Variants in TNS4 observed in about 807,000 individuals in gnomAD.
TNS4 encodes the protein tensin-4.
Under a neutral mutation model 70.4 loss-of-function variants are expected in TNS4, and 46 were observed. The observed-to-expected ratio is 0.65, with a 90% CI of 0.52 to 0.84. TNS4 has a LOEUF of 0.84. Among genes scored for constraint, TNS4 ranks in the 40% least tolerant of loss-of-function variants. TNS4 has a pLI of 0.00. For synonymous variants in TNS4, 390 were observed against 366.6 expected (o/e 1.06, Z -0.73); for missense variants, 863 against 907.0 (o/e 0.95, Z 0.62).
Position 40,488,555 on chromosome 17 carries a change from A to C in TNS4, c.854T>G (p.Met285Arg), listed in dbSNP as rs780395964. The C allele has an allele frequency of 1.3e-6, 2 of 1,509,054 alleles. No homozygotes were observed. The highest frequency in any genetic ancestry group is 1.8e-6 in the Non-Finnish European group (2 of 1,128,650). 93.5% of individuals were successfully genotyped at this position (1,509,054 alleles called of 1,614,324 possible). The change falls in exon 3 of 13, where the codon ATG (methionine) becomes AGG (arginine). Residue 285 changes from methionine (M) to arginine (R), a missense_variant. Physicochemically the swap from Met to Arg is moderately conservative, Grantham distance 91 (BLOSUM62 -1). Coordinates refer to ENST00000254051, the MANE Select transcript of TNS4 (RefSeq NM_032865.6). Reference protein sequence around the residue: ...SASPVSDVSYMFGSSQSLLHS... With the variant: ...SASPVSDVSYRFGSSQSLLHS... ...AAGCTACAGAACCTACCTTCCAAAC[A>C]TATAGCTGACATCAGACACTGGGCT...
chr17:40,478,475 G>A (rs2035878914), intron 11 of TNS4, 105 bp downstream of exon 11: 1 of 1,557,146 alleles, frequency 6.4e-7, no homozygotes, highest in Admixed American at 1.7e-5. Context: ...ACCCCTTGAG[G>A]TTCACAGGCT....
intron 2 of TNS4, among the ~76,000 whole-genome samples, chr17:40,494,707 G>A (rs1425319077): frequency 1.4e-5 from 2 of 142,746 alleles, no homozygotes; most frequent in African/African-American, 5.2e-5. Context: ...ACTCCAGCCT[G>A]GGTGACAGTG....
In TNS4 at chr17:40,478,605, A is replaced by T; in HGVS notation, c.1954T>A (p.Cys652Ser). 1 of 1,614,166 alleles carries T rather than the reference A, an allele frequency of 6.2e-7. No individual in the cohort carries two copies. ...RHYPLTTLRFCGMDPEQRKWQ... is the reference protein window; with the variant it reads ...RHYPLTTLRFSGMDPEQRKWQ... ...TTCCGTTGCTCAGGGTCCATACCACAGAAGCGGAGGGTGGTGAGTGGGTAA... is the reference window on the plus strand; with the variant it reads ...TTCCGTTGCTCAGGGTCCATACCACTGAAGCGGAGGGTGGTGAGTGGGTAA... The change falls in exon 11 of 13, where the codon TGT (cysteine) becomes AGT (serine). Residue 652 changes from cysteine (C) to serine (S), a missense_variant. Cys to Ser is a moderately radical substitution (Grantham distance 112). Coordinates refer to ENST00000254051, the MANE Select transcript of TNS4 (RefSeq NM_032865.6).
intron 2 of TNS4, among the ~76,000 whole-genome samples, chr17:40,494,368 C>T (rs547360048): frequency 8.7e-4 from 132 of 152,368 alleles, no homozygotes; most frequent in South Asian, 6.8e-3. Flanking sequence ...CTCTGCCTGA[C>T]GCCAGCCATT....
At position 40,482,206 on chromosome 17, in the gene TNS4, C is replaced by T. The variant is rs749450599; in HGVS notation, c.1595G>A (p.Gly532Glu). The change falls in exon 8 of 13, where the codon GGG becomes GAG. Residue 532 changes from glycine to glutamate, a missense_variant and splice_region_variant. Coordinates refer to ENST00000254051, the MANE Select transcript of TNS4 (RefSeq NM_032865.6). ...CTGGCACACGAAGGCAGAGAGGCTCCCTGAAAGGAAGCAAGCAGCCCTGCA... is the reference window on the plus strand; with the variant it reads ...CTGGCACACGAAGGCAGAGAGGCTCTCTGAAAGGAAGCAAGCAGCCCTGCA... ...LKGADEEPYF[G>E]SLSAFVCQHS... 1.4e-5 allele frequency: 23 copies of T among 1,614,074 alleles called. No homozygotes were observed. The highest frequency in any genetic ancestry group is 5.0e-5 in the Admixed American group (3 of 60,004).
Position 40,482,397 on chromosome 17 carries a change from G to GA in TNS4, c.1520dup (p.Ile508HisfsTer20). The GA allele has an allele frequency of 1.9e-6, 3 of 1,614,072 alleles. No individual in the cohort carries two copies. The highest frequency in any genetic ancestry group is 2.5e-6 in the Non-Finnish European group (3 of 1,180,024). Reference sequence around the variant, plus strand: ...ACGACTCGATGAGGAAGTGTCGGATGAGGTCATTGCTGTCCTCACCTGGAC... The same window carrying GA: ...ACGACTCGATGAGGAAGTGTCGGATGAAGGTCATTGCTGTCCTCACCTGGAC... On this transcript the variant is annotated frameshift_variant, in exon 7 of 13. Coordinates refer to ENST00000254051, the MANE Select transcript of TNS4 (RefSeq NM_032865.6). LOFTEE classifies it high-confidence loss of function.
At chr17:40,491,151 T>C (rs761830957) in intron 2 of TNS4, among the ~76,000 whole-genome samples, 9 of 152,206 alleles carry the variant, frequency 5.9e-5, no homozygotes, top group Non-Finnish European at 1.3e-4. Context: ...TTTACACCCA[T>C]AATCTCCTCT....
chr17:40,488,721 TG>T lies in TNS4; in HGVS notation c.687del (p.Ser230AlafsTer111). On this transcript the variant is annotated frameshift_variant, in exon 3 of 13. Coordinates refer to ENST00000254051, the MANE Select transcript of TNS4 (RefSeq NM_032865.6). LOFTEE classifies it high-confidence loss of function. Reference sequence around the variant, plus strand: ...CTCCCCATGCAAGGGATTGAGATGCTGGGGGAATTTGGGGGTCGAGGGGAGA... The same window carrying T: ...CTCCCCATGCAAGGGATTGAGATGCTGGGGAATTTGGGGGTCGAGGGGAGA... ...EGLSPRPPNS[P>X]SISIPCMGSK... The T allele has an allele frequency of 6.3e-7, 1 of 1,580,916 alleles. No individual in the cohort carries two copies. The highest frequency in any genetic ancestry group is 8.6e-7 in the Non-Finnish European group (1 of 1,165,830).
Position 40,496,433 on chromosome 17 carries a change from G to A in TNS4, c.-8C>T, listed in dbSNP as rs757447433. The A allele has an allele frequency of 5.0e-6, 8 of 1,609,518 alleles. No homozygotes were observed. Among genetic ancestry groups the A allele is most frequent in the Admixed American group, 1.7e-5 (1 of 59,708 alleles). On this transcript the variant is annotated 5_prime_UTR_variant, in exon 2 of 13. Coordinates refer to ENST00000254051, the MANE Select transcript of TNS4 (RefSeq NM_032865.6). The stretch of plus-strand genomic sequence containing the variant: ...GGACATCACCTGGGACATGGTGGGG[G>A]TGGTGACCTCTGCAGTTTACCTCTG...
At chr17:40,484,385 C>A in intron 6 of TNS4, 99 bp downstream of exon 6, 1 of 1,531,564 alleles carries the variant, frequency 6.5e-7, no homozygotes, top group South Asian at 1.2e-5. Context: ...AAGACTGGCG[C>A]CATGTCACCC....
Position 40,477,533 on chromosome 17 carries a change from G to T in TNS4, c.*55C>A. On this transcript the variant is annotated 3_prime_UTR_variant, in exon 13 of 13. Coordinates refer to ENST00000254051, the MANE Select transcript of TNS4 (RefSeq NM_032865.6). Reference sequence around the variant, plus strand: ...CCACACCCATTCAGGGGGTGGAGGGGGGCTCCTTAGCGAGCCCCTGGAGGT... The same window carrying T: ...CCACACCCATTCAGGGGGTGGAGGGTGGCTCCTTAGCGAGCCCCTGGAGGT... 5 of 1,602,532 alleles carry T rather than the reference G, an allele frequency of 3.1e-6. No homozygotes were observed. The South Asian group carries it at 5.6e-5, about 18-fold the overall frequency.
chr17:40,478,880 T>C (rs571528417), intron 10 of TNS4, among the ~76,000 whole-genome samples: 1 of 152,346 alleles, frequency 6.6e-6, no homozygotes, highest in African/African-American at 2.4e-5. Flanking sequence ...GGGTTTTCTA[T>C]CACACCCCTA....
intron 2 of TNS4, among the ~76,000 whole-genome samples, chr17:40,495,216 G>C (rs940425504): frequency 6.6e-6 from 1 of 152,046 alleles, no homozygotes. Context: ...ATTATTTTAC[G>C]ACAGTGTCTC....
chr17:40,487,282 G>A lies in TNS4; in HGVS notation c.1042C>T (p.Pro348Ser). 2 of 1,614,214 alleles carry A rather than the reference G, an allele frequency of 1.2e-6. No homozygotes were observed. The highest frequency in any genetic ancestry group is 1.7e-6 in the Non-Finnish European group (2 of 1,180,042). The change falls in exon 4 of 13, where the codon CCC becomes TCC. Residue 348 changes from proline (P) to serine (S), a missense_variant. By Grantham distance (74) the Pro-to-Ser change is moderately conservative. Transcript: ENST00000254051. ...PTLTMGQPRT[P>S]HSPPLAKEHA... ...TCTTTGGCCAGTGGTGGAGAGTGGG[G>A]TGTTCTGGGTTGGCCCATGGTTAGG... is the stretch of plus-strand genomic sequence containing the variant.
chr17:40,481,702 C>A (rs1212736842), intron 8 of TNS4, among the ~76,000 whole-genome samples: 2 of 152,202 alleles, frequency 1.3e-5, no homozygotes, highest in African/African-American at 4.8e-5. Context: ...ATGATAACAG[C>A]AAAGTCTACT....
chr17:40,482,479 C>T (rs1597690264), intron 6 of TNS4, 63 bp from the exon 7 acceptor site: 7 of 1,537,474 alleles, frequency 4.6e-6, no homozygotes, highest in East Asian at 2.3e-5. Flanking sequence ...CGCGGTGGCT[C>T]ACGCCTGTAA....
chr17:40,488,678 T>C lies in TNS4; in HGVS notation c.731A>G (p.His244Arg), dbSNP rs777256565. 7 of 1,568,684 alleles carry C rather than the reference T, an allele frequency of 4.5e-6. No homozygotes were observed. The highest frequency in any genetic ancestry group is 1.7e-4 in the Middle Eastern group (1 of 5,876). The change falls in exon 3 of 13, where the codon CAT (histidine) becomes CGT (arginine). Residue 244 changes from histidine to arginine, a missense_variant. Transcript: ENST00000254051. ...AGCCACCAGCGGGGAGCCCAAACCA[T>C]GGGGGCTCGAGGCCTTGCTCCCCAT... ...PCMGSKASSP[H>R]GLGSPLVASP...
At chr17:40,489,796 C>CAAA (rs11463268) in intron 2 of TNS4, among the ~76,000 whole-genome samples, 8 of 105,604 alleles carry the variant, frequency 7.6e-5, no homozygotes, top group African/African-American at 2.6e-4. Context: ...GCCCCATCTC[C>CAAA]AAAAAAAAAA....
intron 1 of TNS4, among the ~76,000 whole-genome samples, chr17:40,499,801 C>T (rs1300281623): frequency 3.3e-5 from 5 of 152,202 alleles, no homozygotes; most frequent in Non-Finnish European, 2.9e-5. Flanking sequence ...AGGATCTGGG[C>T]GCTCCCTGCA....
Sources: allele counts gnomAD v4.1 joint callset (sites outside exome capture counted in the v4.1 genomes callset), GRCh38; gene constraint gnomAD v4.1.1; transcripts MANE v1.5; gene names NCBI Gene and HGNC (gene_info 2026-07-23, HGNC 2026-07-21).